The following ATP6V0E1 variants were observed in gnomAD, a reference collection of about 807,000 sequenced individuals.
The protein encoded by ATP6V0E1 is V-type proton ATPase subunit e 1.
Under a neutral mutation model 11.6 loss-of-function variants are expected in ATP6V0E1, and 4 were observed. The observed-to-expected ratio is 0.35, with a 90% CI of 0.17 to 0.79. The LOEUF is 0.79. ATP6V0E1 is among the 30% of genes least tolerant of loss of function. ATP6V0E1 has a pLI of 0.54. For missense variants in ATP6V0E1, 105 were observed against 100.0 expected (o/e 1.05, Z -0.21); for synonymous variants, 36 against 34.8 (o/e 1.04, Z -0.13).
chr5:173,007,252 A>G (rs566653326), intron 2 of ATP6V0E1, among the ~76,000 whole-genome samples: 41 of 152,108 alleles, frequency 2.7e-4, no homozygotes, highest in Non-Finnish European at 5.1e-4. Flanking sequence ...TGGGATTACA[A>G]GCATGAGCCA....
chr5:173,000,130 A>C (rs1756131832), intron 2 of ATP6V0E1, among the ~76,000 whole-genome samples: 1 of 152,092 alleles, frequency 6.6e-6, no homozygotes, highest in South Asian at 2.1e-4. Context: ...TGGACTTTTA[A>C]ATTGCCTTCT....
In ATP6V0E1 at chr5:172,991,520, C is replaced by G. The variant is rs182480420; in HGVS notation, c.105-3255C>G. ...GAGTAAAGGCTTGGAATTGAGAATC[C>G]TAGATATAATGTGTTTTGGGGGACA... On this transcript the variant is annotated intron_variant, in intron 1 of 3. Coordinates refer to ENST00000519374, the MANE Select transcript of ATP6V0E1 (RefSeq NM_003945.4). Among the ~76,000 whole-genome samples the G allele has an allele frequency of 2.9e-3, 438 of 151,972 alleles. 2 individuals carry two copies. Among genetic ancestry groups the G allele is most frequent in the South Asian group, 0.024 (114 of 4,802 alleles).
At chr5:172,986,869 C>T (rs926589688) in intron 1 of ATP6V0E1, 2 of 335,496 alleles carry the variant, frequency 6.0e-6, no homozygotes, top group South Asian at 2.2e-5. Context: ...CTCACTGCAC[C>T]CTCCGCCTCC....
rs188534164 is a variant in ATP6V0E1 at position 173,021,967 on chromosome 5, A to G, written c.*36+1600A>G. Among the ~76,000 whole-genome samples, 775 of 152,292 alleles carry G rather than the reference A, an allele frequency of 5.1e-3. 8 individuals carry two copies. Among genetic ancestry groups the G allele is most frequent in the African/African-American group, 0.018 (738 of 41,564 alleles). On this transcript the variant is annotated intron_variant, in intron 3 of 3. Coordinates refer to ENST00000519374, the MANE Select transcript of ATP6V0E1 (RefSeq NM_003945.4). ...GGAGAATGGCTTGAACCCAGGAGGC[A>G]GAGCTTGCAGTGAGGCGAGATCGCG...
chr5:172,994,231 A>G (rs1756028817), intron 1 of ATP6V0E1, among the ~76,000 whole-genome samples: 1 of 152,146 alleles, frequency 6.6e-6, no homozygotes, highest in Admixed American at 6.6e-5. Flanking sequence ...CGGTTGGGTG[A>G]AAATGGCAGA....
chr5:173,030,637 C>T (rs1383655052), intron 3 of ATP6V0E1, among the ~76,000 whole-genome samples: 2 of 151,590 alleles, frequency 1.3e-5, no homozygotes, highest in Admixed American at 6.6e-5. Context: ...GACGGGGTTT[C>T]ACCATGTTTG....
At chr5:173,016,865 T>C (rs1333112581) in intron 2 of ATP6V0E1, among the ~76,000 whole-genome samples, 1 of 152,362 alleles carries the variant, frequency 6.6e-6, no homozygotes, top group African/African-American at 2.4e-5. Flanking sequence ...TTTAATACCC[T>C]ACTTCTAAGG....
intron 1 of ATP6V0E1, among the ~76,000 whole-genome samples, chr5:172,987,511 T>C (rs968693462): frequency 2.0e-5 from 3 of 152,020 alleles, no homozygotes; most frequent in African/African-American, 7.2e-5. Flanking sequence ...CTTGAACTCC[T>C]GACCTCAGGT....
At chr5:173,018,918 A>T (rs1756440867) in intron 2 of ATP6V0E1, among the ~76,000 whole-genome samples, 1 of 152,140 alleles carries the variant, frequency 6.6e-6, no homozygotes, top group African/African-American at 2.4e-5. Context: ...GAACTTTGTG[A>T]GCTATATAAG....
chr5:173,001,343 C>T (rs1468015042), intron 2 of ATP6V0E1, among the ~76,000 whole-genome samples: 2 of 152,188 alleles, frequency 1.3e-5, no homozygotes, highest in African/African-American at 2.4e-5. Flanking sequence ...CCCCCATCCA[C>T]TCATTTCCAC....
At chr5:172,986,886 C>G (rs940763841) in intron 1 of ATP6V0E1, 1 of 328,656 alleles carries the variant, frequency 3.0e-6, no homozygotes, top group Non-Finnish European at 6.0e-6. Context: ...CTCCTGGGTT[C>G]AAGCAATTCT....
intron 2 of ATP6V0E1, among the ~76,000 whole-genome samples, chr5:173,012,597 A>G (rs1756344517): frequency 6.6e-6 from 1 of 151,930 alleles, no homozygotes; most frequent in South Asian, 2.1e-4. Context: ...TACTAAAAAT[A>G]CAAAAAATTA....
In ATP6V0E1 at chr5:173,027,178, C is replaced by CAA. The variant is rs1158447516; in HGVS notation, c.*36+6836_*36+6837dup. ...TGGGTGACACAGCGAGACTCCGTCT[C>CAA]AAAAAAAAAAAAAAAAAAAAAAAAA... On this transcript the variant is annotated intron_variant, in intron 3 of 3. Transcript: ENST00000519374. 4.3e-3 allele frequency among the ~76,000 whole-genome samples: 113 copies of CAA among 26,052 alleles called. 6 individuals are homozygous for CAA. Among genetic ancestry groups the CAA allele is most frequent in the South Asian group, 6.6e-3 (4 of 606 alleles). The allele number at this position is 26,052 out of a possible 152,430, so 17.1% of individuals were successfully genotyped here.
At chr5:173,019,686 A>G (rs1239306998) in intron 2 of ATP6V0E1, among the ~76,000 whole-genome samples, 3 of 152,350 alleles carry the variant, frequency 2.0e-5, no homozygotes, top group African/African-American at 7.2e-5. Flanking sequence ...CCATTCTGTT[A>G]AGTTCCACAG....
intron 2 of ATP6V0E1, among the ~76,000 whole-genome samples, chr5:173,016,593 A>G (rs1756403481): frequency 6.6e-6 from 1 of 152,084 alleles, no homozygotes; most frequent in Non-Finnish European, 1.5e-5. Flanking sequence ...ATTCTAATGG[A>G]TTTTTTTAGT....
rs187628426 is a variant in ATP6V0E1, at chr5:173,011,257, C to T, written c.153-8981C>T. On this transcript the variant is annotated intron_variant, in intron 2 of 3. Coordinates refer to ENST00000519374, the MANE Select transcript of ATP6V0E1 (RefSeq NM_003945.4). ...AGTGCAGTGGCATGATCATAGCTCA[C>T]GGCAGCCTTGACCTCCGGCCAGTGA... Among the ~76,000 whole-genome samples, 914 of 149,598 alleles carry T rather than the reference C, an allele frequency of 6.1e-3. 6 individuals carry two copies. The highest frequency in any genetic ancestry group is 0.031 in the South Asian group (147 of 4,714).
chr5:173,003,359 T>C (rs1756187110), intron 2 of ATP6V0E1, among the ~76,000 whole-genome samples: 1 of 152,204 alleles, frequency 6.6e-6, no homozygotes, highest in Non-Finnish European at 1.5e-5. Context: ...ATGGAGGTTG[T>C]CTGATTTGTT....
intron 3 of ATP6V0E1, among the ~76,000 whole-genome samples, chr5:173,031,329 C>T (rs1244899821): frequency 6.6e-6 from 1 of 151,728 alleles, no homozygotes; most frequent in Admixed American, 6.6e-5. Flanking sequence ...AGTGATCCAC[C>T]CACCATGGCC....
chr5:172,991,115 C>T (rs1297473548), intron 1 of ATP6V0E1, among the ~76,000 whole-genome samples: 1 of 152,116 alleles, frequency 6.6e-6, no homozygotes, highest in African/African-American at 2.4e-5. Flanking sequence ...CTGCATCCAG[C>T]TAACTCCCCT....
Sources: gnomAD v4.1 joint callset for allele counts (sites outside exome capture counted in the v4.1 genomes callset) on GRCh38, gnomAD v4.1.1 for gene constraint, MANE v1.5 for transcripts, NCBI Gene and HGNC (gene_info 2026-07-23, HGNC 2026-07-21) for gene names.